HMGXB3: variants seen among roughly 807,000 people sequenced by gnomAD.
HMGXB3 encodes the protein HMG domain-containing protein 3.
Under a neutral mutation model 121.5 loss-of-function variants are expected in HMGXB3, and 45 were observed. The observed-to-expected ratio is 0.37, with a 90% CI of 0.29 to 0.47. The LOEUF is 0.47. HMGXB3 is among the 20% of genes least tolerant of loss of function. The pLI is 0.99. For synonymous variants in HMGXB3, 590 were observed against 624.1 expected (o/e 0.95, Z 0.81); for missense variants, 1,376 against 1,602.2 (o/e 0.86, Z 2.41).
chr5:150,052,427 A>G lies in HMGXB3; in HGVS notation c.*235A>G. 1.9e-6 allele frequency: 1 copy of G among 529,598 alleles called. No individual in the cohort carries two copies. Among genetic ancestry groups the G allele is most frequent in the Admixed American group, 3.2e-5 (1 of 30,964 alleles). 32.8% of individuals were successfully genotyped at this position (529,598 alleles called of 1,614,324 possible). On this transcript the variant is annotated 3_prime_UTR_variant, in exon 20 of 20. Transcript: ENST00000502717. ...AAACCTCTTCTGGCCCCGAGAGAGC[A>G]CTTGGGGGACACGGTATGTTTAATG...
At position 150,005,006 on chromosome 5, in the gene HMGXB3, T is replaced by C. The variant is rs1159751885; in HGVS notation, c.137+17T>C. The C allele has an allele frequency of 3.9e-6, 6 of 1,542,278 alleles. No homozygotes were observed. Among genetic ancestry groups the C allele is most frequent in the Non-Finnish European group, 5.2e-6 (6 of 1,144,654 alleles). ...GAAACCCAGGTTAGCCAACACATTT[T>C]GGTTGCTGCTAGCATTTATAAACAG... On this transcript the variant is annotated intron_variant, in intron 2 of 19. Coordinates refer to ENST00000502717, the MANE Select transcript of HMGXB3 (RefSeq NM_014983.3).
At chr5:150,032,743 C>T (rs1756410522) in intron 11 of HMGXB3, 140 bp downstream of exon 11, 12 of 1,010,574 alleles carry the variant, frequency 1.2e-5, no homozygotes, top group African/African-American at 1.6e-5. Flanking sequence ...GGGTTCTGAA[C>T]CTGAGCAAGT....
chr5:150,013,259 A>G (rs1006512776), intron 5 of HMGXB3, among the ~76,000 whole-genome samples: 5 of 152,180 alleles, frequency 3.3e-5, no homozygotes, highest in Admixed American at 1.3e-4. Context: ...AGTTCCCTCT[A>G]TTCCTAATTT....
chr5:150,040,430 A>G (rs181057569), intron 13 of HMGXB3, among the ~76,000 whole-genome samples: 18 of 151,934 alleles, frequency 1.2e-4, no homozygotes, highest in Admixed American at 1.1e-3. Flanking sequence ...GGGCTTTGCT[A>G]TGTTGTCCAG....
At position 150,010,305 on chromosome 5, in the gene HMGXB3, G is replaced by T; in HGVS notation, c.507G>T (p.Pro169=). 1.3e-6 allele frequency: 2 copies of T among 1,551,756 alleles called. No homozygotes were observed. The highest frequency in any genetic ancestry group is 1.7e-6 in the Non-Finnish European group (2 of 1,147,010). ...CTCCTCTTGTGTCCAACACTGCCCCGGAGACAGTGCCCAGCCATGCAGGCA... is the reference window on the plus strand; with the variant it reads ...CTCCTCTTGTGTCCAACACTGCCCCTGAGACAGTGCCCAGCCATGCAGGCA... ...KGPPLVSNTA[P]ETVPSHAGMA... The change falls in exon 4 of 20, where the codon CCG becomes CCT. Residue 169 remains proline, a synonymous_variant. Transcript: ENST00000502717.
intron 5 of HMGXB3, among the ~76,000 whole-genome samples, chr5:150,017,415 C>G (rs1447272858): frequency 1.3e-5 from 2 of 152,324 alleles, no homozygotes; most frequent in African/African-American, 4.8e-5. Context: ...TCTTATCTCA[C>G]TTTCTCAGCA....
chr5:150,022,108 A>C (rs986287405), intron 6 of HMGXB3, among the ~76,000 whole-genome samples: 5 of 152,146 alleles, frequency 3.3e-5, no homozygotes, highest in Non-Finnish European at 5.9e-5. Flanking sequence ...TAGGCTCATC[A>C]GCTATTGTTA....
chr5:150,045,485 T>C lies in HMGXB3; in HGVS notation c.2750T>C (p.Leu917Pro). The C allele has an allele frequency of 6.4e-7, 1 of 1,552,296 alleles. No homozygotes were observed. The highest frequency in any genetic ancestry group is 8.7e-7 in the Non-Finnish European group (1 of 1,147,110). ...KSVEFTWPEF[L>P]GSNEVNVEDF... ...TTCTAGTTCACCTGGCCTGAATTCC[T>C]GGGCTCTAATGAGGTAAATGTGGAG... Residue 917 changes from leucine to proline, a missense_variant, in exon 16 of 20, where the codon CTG becomes CCG. Around this residue, in one of 2 missense-constraint regions of HMGXB3, gnomAD observed 1,116 missense variants for 1,369.0 expected, o/e 0.82. Transcript: ENST00000502717.
rs529237164 is a variant in HMGXB3, at chr5:150,024,827, T to G, written c.1460+147T>G. On this transcript the variant is annotated intron_variant, in intron 7 of 19. Coordinates refer to ENST00000502717, the MANE Select transcript of HMGXB3 (RefSeq NM_014983.3). ...ATACAGAAACCAAGGCCTAGAGATA[T>G]ATAAAGATTGTCCCTTCCCCCGGAC... 5 of 672,304 alleles carry G rather than the reference T, an allele frequency of 7.4e-6. No individual in the cohort carries two copies. The South Asian group carries it at 8.7e-5, about 12-fold the overall frequency. The allele number at this position is 672,304 out of a possible 1,614,324, so 41.6% of individuals were successfully genotyped here.
Position 150,030,400 on chromosome 5 carries a change from C to A in HMGXB3, c.1735-341C>A, listed in dbSNP as rs1305218547. ...ACCCTGTGACATTTTAGTGAATAGT[C>A]TTTCAGACATCTTTCTATGCAAAGT... is the stretch of plus-strand genomic sequence containing the variant. On this transcript the variant is annotated intron_variant, in intron 9 of 19. Coordinates refer to ENST00000502717, the MANE Select transcript of HMGXB3 (RefSeq NM_014983.3). The A allele has an allele frequency of 1.3e-4, 24 of 186,252 alleles. 1 individual carries two copies. The highest frequency in any genetic ancestry group is 6.4e-4 in the Admixed American group (11 of 17,134). The allele number at this position is 186,252 out of a possible 1,614,324, so 11.5% of individuals were successfully genotyped here.
intron 16 of HMGXB3, among the ~76,000 whole-genome samples, chr5:150,047,292 GTTCTT>G (rs1756779318): frequency 6.6e-6 from 1 of 152,120 alleles, no homozygotes; most frequent in Non-Finnish European, 1.5e-5. Flanking sequence ...GAGAGCTGCT[GTTCTT>G]TTCTTATTGA....
chr5:150,025,834 A>G (rs951574472), intron 7 of HMGXB3, among the ~76,000 whole-genome samples: 1 of 151,862 alleles, frequency 6.6e-6, no homozygotes, highest in Non-Finnish European at 1.5e-5. Flanking sequence ...TGGCCTCCCA[A>G]ATACATCTTG....
intron 3 of HMGXB3, among the ~76,000 whole-genome samples, chr5:150,007,098 T>C (rs1755721333): frequency 6.6e-6 from 1 of 152,234 alleles, no homozygotes; most frequent in Non-Finnish European, 1.5e-5. Context: ...ATAGAGCTGC[T>C]TGTGTAATAC....
intron 12 of HMGXB3, 99 bp downstream of exon 12, chr5:150,037,036 A>G: frequency 9.2e-7 from 1 of 1,085,842 alleles, no homozygotes; most frequent in Non-Finnish European, 1.3e-6. Context: ...TGAAGATGTT[A>G]TTCTCTGCCG....
At chr5:150,040,182 A>G (rs1214333160) in intron 13 of HMGXB3, among the ~76,000 whole-genome samples, 2 of 151,798 alleles carry the variant, frequency 1.3e-5, no homozygotes, top group Non-Finnish European at 2.9e-5. Flanking sequence ...GTACTATTTC[A>G]TTATTTTTTG....
At chr5:150,048,452 C>T (rs959160871) in intron 17 of HMGXB3, 117 bp from the exon 18 acceptor site, 1 of 753,932 alleles carries the variant, frequency 1.3e-6, no homozygotes, top group Non-Finnish European at 2.3e-6. Flanking sequence ...AAGGCCCGCT[C>T]TGACCCAGGC....
rs764360190 is a variant in HMGXB3 at position 150,051,922 on chromosome 5, C to A, written c.3609C>A (p.Ile1203=). The change falls in exon 20 of 20, where the codon ATC becomes ATA. Residue 1203 remains isoleucine, a synonymous_variant. Coordinates refer to ENST00000502717, the MANE Select transcript of HMGXB3 (RefSeq NM_014983.3). ...CTGAATTGGCACCTTACGCAACCAT[C>A]CTGGCCTCCATCGTGGACAGCAAAC... ...LCPELAPYAT[I]LASIVDSKPN... 2.4e-5 allele frequency: 38 copies of A among 1,552,086 alleles called. No individual in the cohort carries two copies.
At chr5:150,029,663 T>C (rs1036388049) in intron 9 of HMGXB3, among the ~76,000 whole-genome samples, 1 of 152,254 alleles carries the variant, frequency 6.6e-6, no homozygotes, top group African/African-American at 2.4e-5. Flanking sequence ...CTCATTGGAT[T>C]GTGACCTGTA....
At chr5:150,026,021 G>A (rs1169609415) in intron 7 of HMGXB3, among the ~76,000 whole-genome samples, 3 of 152,010 alleles carry the variant, frequency 2.0e-5, no homozygotes, top group Non-Finnish European at 2.9e-5. Flanking sequence ...TAGTAGAGAC[G>A]GAGTTTCACC....
Sources: allele counts gnomAD v4.1 joint callset (sites outside exome capture counted in the v4.1 genomes callset), GRCh38; gene constraint gnomAD v4.1.1; regional missense constraint gnomAD v4.1.1; transcripts MANE v1.5; gene names NCBI Gene and HGNC (gene_info 2026-07-23, HGNC 2026-07-21).